ALS2CL: variants seen among roughly 807,000 people sequenced by gnomAD.
ALS2CL encodes ALS2 C-terminal-like protein.
Under a neutral mutation model 127.9 loss-of-function variants are expected in ALS2CL, and 112 were observed. That is an observed-to-expected ratio of 0.88 (90% confidence interval 0.75 to 1.02). The LOEUF (loss-of-function observed/expected upper bound fraction) is 1.02. Ranked by LOEUF, ALS2CL falls within the 50% of genes least tolerant of loss-of-function variation. ALS2CL has a pLI of 0.00. For synonymous variants in ALS2CL, 519 were observed against 527.6 expected (o/e 0.98, Z 0.22); for missense variants, 1,174 against 1,236.7 (o/e 0.95, Z 0.76).
chr3:46,671,213 A>G (rs1698356608), intron 25 of ALS2CL, 149 bp from the exon 26 acceptor site: 4 of 1,010,230 alleles, frequency 4.0e-6, no homozygotes, highest in Non-Finnish European at 3.0e-6. Context: ...GTCTGCGAGG[A>G]AAATGGGGCC....
rs150680088 is a variant in ALS2CL at position 46,680,386 on chromosome 3, G to A, written c.1548+44C>T. On this transcript the variant is annotated intron_variant, in intron 14 of 25. Transcript: ENST00000318962. ...CTCAGCCTCAGTGCCCCCAGCGGGA[G>A]TGGGGTGCAAAGAGAGGGATAGCCC... 3,902 of 1,570,414 alleles carry A rather than the reference G, an allele frequency of 2.5e-3. 5 individuals are homozygous for A. Among genetic ancestry groups the A allele is most frequent in the Admixed American group, 3.0e-3 (179 of 59,742 alleles).
At chr3:46,678,701 C>T (rs1329704803) in intron 15 of ALS2CL, among the ~76,000 whole-genome samples, 1 of 152,214 alleles carries the variant, frequency 6.6e-6, no homozygotes, top group Non-Finnish European at 1.5e-5. Flanking sequence ...TGGGGGTAAG[C>T]CCAGGGACAG....
chr3:46,684,312 T>C (rs1699602215), intron 7 of ALS2CL, among the ~76,000 whole-genome samples: 1 of 152,156 alleles, frequency 6.6e-6, no homozygotes, highest in African/African-American at 2.4e-5. Context: ...CAAATGAAGC[T>C]GGGACCTGGT....
At position 46,683,654 on chromosome 3, in the gene ALS2CL, A is replaced by C. The variant is rs1230149724; in HGVS notation, c.912+128T>G. ...TTCTTGACCCCGATTTACTCTGACC[A>C]GGTCCCCAGAAGCCTGCCAGACACT... On this transcript the variant is annotated intron_variant, in intron 9 of 25. Transcript: ENST00000318962. The C allele has an allele frequency of 3.4e-6, 4 of 1,177,088 alleles. No individual in the cohort carries two copies. In the African/African-American group the frequency reaches 6.0e-5, roughly 18 times the overall value. The allele number at this position is 1,177,088 out of a possible 1,614,324, so 72.9% of individuals were successfully genotyped here. A position where few individuals can be genotyped will look rare whatever the true frequency, so the allele number is the denominator to read the frequency against.
chr3:46,673,092 C>T (rs1445820940), intron 22 of ALS2CL, among the ~76,000 whole-genome samples: 1 of 152,154 alleles, frequency 6.6e-6, no homozygotes, highest in African/African-American at 2.4e-5. Context: ...AGCTGAGGCA[C>T]GGTGCACGAG....
rs1478711429 is a variant in ALS2CL at position 46,692,942 on chromosome 3, G to C, written c.-26+701C>G. ...ACTCTGGTATTTCCTGGTCTGAACA[G>C]GCAGGGAAGTTCTGCCTGCTGTGGA... On this transcript the variant is annotated intron_variant, in intron 1 of 25. Coordinates refer to ENST00000318962, the MANE Select transcript of ALS2CL (RefSeq NM_147129.5). Among the ~76,000 whole-genome samples, 9 of 152,298 alleles carry C rather than the reference G, an allele frequency of 5.9e-5. No homozygotes were observed. The East Asian group carries it at 1.5e-3, about 26-fold the overall frequency.
At chr3:46,674,358 AG>A (rs2106691131) in intron 21 of ALS2CL, among the ~76,000 whole-genome samples, 1 of 152,282 alleles carries the variant, frequency 6.6e-6, no homozygotes, top group South Asian at 2.1e-4. Context: ...TGTCACCACA[AG>A]GGGGAGGCTG....
In ALS2CL at chr3:46,681,321, G is replaced by A. The variant is rs766404364; in HGVS notation, c.1361C>T (p.Pro454Leu). Reference sequence around the variant, plus strand: ...GTGGCCCGTGTACCTGAAGGGCTGGGGGGCCTGCGGACCACTCTCAAGGAC... The same window carrying A: ...GTGGCCCGTGTACCTGAAGGGCTGGAGGGCCTGCGGACCACTCTCAAGGAC... ...FGVLESGPQAPQPFRYTGHWE... is the reference protein window; with the variant it reads ...FGVLESGPQALQPFRYTGHWE... The change falls in exon 13 of 26, where the codon CCC becomes CTC. Residue 454 changes from proline (P) to leucine (L), a missense_variant. Physicochemically the swap from Pro to Leu is moderately conservative, Grantham distance 98. Coordinates refer to ENST00000318962, the MANE Select transcript of ALS2CL (RefSeq NM_147129.5). This position sits in a 1 kb window ranked among gnomAD's most constrained non-coding sequence, Gnocchi z 4.9. 21 of 1,613,714 alleles carry A rather than the reference G, an allele frequency of 1.3e-5. No homozygotes were observed. Among genetic ancestry groups the A allele is most frequent in the Admixed American group, 5.0e-5 (3 of 59,974 alleles).
Position 46,681,237 on chromosome 3 carries a change from G to T in ALS2CL, c.1436+9C>A. ...TCCGTCCTGGGAGTGGTGGCTGCAG[G>T]GCGCTCACCTGTCACCATCCTCCTC... On this transcript the variant is annotated intron_variant, in intron 13 of 25. Coordinates refer to ENST00000318962, the MANE Select transcript of ALS2CL (RefSeq NM_147129.5). The surrounding 1 kb of genome is among the most constrained non-coding windows in gnomAD (Gnocchi z 4.9). The T allele has an allele frequency of 1.2e-6, 2 of 1,613,646 alleles. No homozygotes were observed. Among genetic ancestry groups the T allele is most frequent in the South Asian group, 2.2e-5 (2 of 91,074 alleles).
chr3:46,693,183 C>T (rs967777076), intron 1 of ALS2CL, among the ~76,000 whole-genome samples: 1 of 152,252 alleles, frequency 6.6e-6, no homozygotes, highest in African/African-American at 2.4e-5. Context: ...CGCATATGTC[C>T]CAGCTTCCCT....
rs529933867 is a variant in ALS2CL at position 46,671,784 on chromosome 3, C to G, written c.2684+100G>C. The stretch of plus-strand genomic sequence containing the variant: ...GCTTCCCCATCTGTACAGAGAGAAG[C>G]TGCATCCATAAACCCTGGGGTTCAG... On this transcript the variant is annotated intron_variant, in intron 24 of 25. Coordinates refer to ENST00000318962, the MANE Select transcript of ALS2CL (RefSeq NM_147129.5). The G allele has an allele frequency of 1.2e-3, 1,802 of 1,553,894 alleles. 2 individuals carry two copies. The highest frequency in any genetic ancestry group is 1.4e-3 in the Non-Finnish European group (1,641 of 1,151,840).
chr3:46,681,429 G>T lies in ALS2CL; in HGVS notation c.1275-22C>A. On this transcript the variant is annotated intron_variant, in intron 12 of 25. Coordinates refer to ENST00000318962, the MANE Select transcript of ALS2CL (RefSeq NM_147129.5). The surrounding 1 kb of genome is among the most constrained non-coding windows in gnomAD (Gnocchi z 4.9). ...GTACCTGGGGAGGGCCATCAACAAC[G>T]AGCTCTGCCTCATGGAGCTCAGCCC... 6.2e-7 allele frequency: 1 copy of T among 1,606,814 alleles called. No individual in the cohort carries two copies.
intron 7 of ALS2CL, among the ~76,000 whole-genome samples, chr3:46,684,444 A>G (rs1028711485): frequency 4.6e-5 from 7 of 151,916 alleles, no homozygotes; most frequent in African/African-American, 1.7e-4. Context: ...TCACACCTTC[A>G]TGAGCTTGCC....
chr3:46,677,590 G>A (rs1698964559), intron 16 of ALS2CL: 2 of 177,922 alleles, frequency 1.1e-5, no homozygotes, highest in East Asian at 1.9e-4. Flanking sequence ...CAGCATGCAG[G>A]GACAGCGGGC....
chr3:46,687,104 G>A lies in ALS2CL; in HGVS notation c.413C>T (p.Ser138Leu). The A allele has an allele frequency of 6.3e-7, 1 of 1,578,832 alleles. No individual in the cohort carries two copies. Among genetic ancestry groups the A allele is most frequent in the Non-Finnish European group, 8.5e-7 (1 of 1,170,224 alleles). The stretch of plus-strand genomic sequence containing the variant: ...CACCGAGCCCTCTGAGCTCACACCT[G>A]AAAGCAGCTGCCGCAGCGCCTTCCG... ...GQRKALRQLL[S>L]GVSSEGSVGA... Residue 138 changes from serine to leucine, a missense_variant, in exon 5 of 26, where the codon TCA becomes TTA. Transcript: ENST00000318962.
rs576119531 is a variant in ALS2CL, at chr3:46,682,034, C to T, written c.1170G>A (p.Glu390=). ...NHVGNFCQGL[E]HGFGIRLLPQ... is the part of the protein sequence containing the mutation. Reference sequence around the variant, plus strand: ...GTAGCCCCAGCCAGCCTTACCCATGCTCCAGGCCCTGGCAGAAATTCCCCA... The same window carrying T: ...GTAGCCCCAGCCAGCCTTACCCATGTTCCAGGCCCTGGCAGAAATTCCCCA... The change falls in exon 11 of 26, where the codon GAG becomes GAA. Residue 390 remains glutamate, a synonymous_variant. Coordinates refer to ENST00000318962, the MANE Select transcript of ALS2CL (RefSeq NM_147129.5). 2 of 1,614,002 alleles carry T rather than the reference C, an allele frequency of 1.2e-6. No individual in the cohort carries two copies. Among genetic ancestry groups the T allele is most frequent in the Non-Finnish European group, 1.7e-6 (2 of 1,179,962 alleles).
rs550359150 is a variant in ALS2CL, at chr3:46,675,989, G to A, written c.2186+256C>T. ...GGCCAAGCTCAGCCTACAGTGGGGT[G>A]AGAGTGCACCTGCGGTCAGAGTCAG... is the stretch of plus-strand genomic sequence containing the variant. On this transcript the variant is annotated intron_variant, in intron 19 of 25. Transcript: ENST00000318962. The A allele has an allele frequency of 4.2e-6, 6 of 1,422,858 alleles. No homozygotes were observed. The South Asian group carries it at 7.7e-5, about 18-fold the overall frequency. 88.1% of individuals were successfully genotyped at this position (1,422,858 alleles called of 1,614,324 possible). A position where few individuals can be genotyped will look rare whatever the true frequency, so the allele number is the denominator to read the frequency against.
chr3:46,689,252 G>T, intron 2 of ALS2CL, 86 bp downstream of exon 2: 1 of 1,370,282 alleles, frequency 7.3e-7, no homozygotes, highest in Non-Finnish European at 1.0e-6. Context: ...GAAAGCTGTG[G>T]CTCAGCAAGT....
At chr3:46,682,898 C>A (rs904182543) in intron 10 of ALS2CL, among the ~76,000 whole-genome samples, 13 of 152,238 alleles carry the variant, frequency 8.5e-5, no homozygotes, top group Admixed American at 1.3e-4. Context: ...AAGGCCAGCG[C>A]GTGGTTGCTG....
Sources: allele counts gnomAD v4.1 joint callset (sites outside exome capture counted in the v4.1 genomes callset), GRCh38; gene constraint gnomAD v4.1.1; non-coding constraint Gnocchi (gnomAD v3.1); transcripts MANE v1.5; gene names NCBI Gene and HGNC (gene_info 2026-07-23, HGNC 2026-07-21).